The following LCLAT1 variants were observed in gnomAD, a reference collection of about 807,000 sequenced individuals.
The protein encoded by LCLAT1 is lysocardiolipin acyltransferase 1, also known as 1-AGP acyltransferase 8.
In LCLAT1, 11 loss-of-function variants were observed where a neutral mutation model predicts 30.7. That is an observed-to-expected ratio of 0.36 (90% CI 0.23 to 0.59). LCLAT1 has a LOEUF of 0.59. Ranked by LOEUF, LCLAT1 falls within the 20% of genes least tolerant of loss-of-function variation. LCLAT1 has a pLI of 0.77. For missense variants in LCLAT1, 402 were observed against 458.6 expected, an observed-to-expected ratio of 0.88 and a Z score of 1.13; for synonymous variants, 155 against 151.3, an observed-to-expected ratio of 1.02 and a Z score of -0.18.
At chr2:30,575,218 CTA>C (rs1558530076) in intron 5 of LCLAT1, among the ~76,000 whole-genome samples, 1 of 152,056 alleles carries the variant, frequency 6.6e-6, no homozygotes, top group Non-Finnish European at 1.5e-5. Flanking sequence ...TCATCATACT[CTA>C]TACATTTCTG....
chr2:30,526,227 C>T lies in LCLAT1; in HGVS notation c.165+472C>T, dbSNP rs539411453. Among the ~76,000 whole-genome samples the T allele has an allele frequency of 5.3e-5, 8 of 152,090 alleles. No homozygotes were observed. In the South Asian group the frequency reaches 1.7e-3, roughly 32 times the overall value. On this transcript the variant is annotated intron_variant, in intron 2 of 5. Coordinates refer to ENST00000379509, the MANE Select transcript of LCLAT1 (RefSeq NM_001002257.3). ...TTTTTTCTGCCTTATTCTCTCTCTC[C>T]TCATTTTGGGACTACAATTATATGT...
intron 5 of LCLAT1, among the ~76,000 whole-genome samples, chr2:30,568,475 T>TTTC (rs1170779637): frequency 6.6e-6 from 1 of 151,230 alleles, no homozygotes; most frequent in Non-Finnish European, 1.5e-5. Flanking sequence ...TTTTAGGATA[T>TTTC]TTCTCCAAGT....
chr2:30,474,645 T>G (rs1307756128), intron 1 of LCLAT1, among the ~76,000 whole-genome samples: 1 of 117,296 alleles, frequency 8.5e-6, no homozygotes, highest in African/African-American at 2.8e-5. Flanking sequence ...TTTAAATAAT[T>G]TAACTTTTTT....
chr2:30,572,622 C>T (rs1425963937), intron 5 of LCLAT1, among the ~76,000 whole-genome samples: 1 of 152,106 alleles, frequency 6.6e-6, no homozygotes, highest in Non-Finnish European at 1.5e-5. Flanking sequence ...ACTTTAAACT[C>T]AAGTCTTTTT....
chr2:30,622,551 G>GC (rs1482521788), intron 5 of LCLAT1, among the ~76,000 whole-genome samples: 2 of 152,030 alleles, frequency 1.3e-5, no homozygotes, highest in Admixed American at 1.3e-4. Context: ...CACAGAGTCC[G>GC]CTTCACTCCC....
At chr2:30,460,059 T>C (rs1682035457) in intron 1 of LCLAT1, among the ~76,000 whole-genome samples, 1 of 152,220 alleles carries the variant, frequency 6.6e-6, no homozygotes, top group Non-Finnish European at 1.5e-5. Flanking sequence ...TTTTGGAGGT[T>C]ATCCCTTACA....
chr2:30,615,627 T>C (rs890733883), intron 5 of LCLAT1, among the ~76,000 whole-genome samples: 3 of 152,134 alleles, frequency 2.0e-5, no homozygotes, highest in Non-Finnish European at 4.4e-5. Flanking sequence ...TTGTGCCTAA[T>C]AGGCTCAAAT....
At chr2:30,496,689 C>G (rs2148335340) in intron 1 of LCLAT1, among the ~76,000 whole-genome samples, 1 of 152,078 alleles carries the variant, frequency 6.6e-6, no homozygotes, top group East Asian at 1.9e-4. Context: ...GCCTAGCATC[C>G]TCCCTCTCTA....
intron 1 of LCLAT1, among the ~76,000 whole-genome samples, chr2:30,515,035 C>G (rs574818335): frequency 2.0e-5 from 3 of 151,988 alleles, no homozygotes; most frequent in Non-Finnish European, 4.4e-5. Context: ...TTGTAACCCC[C>G]GCTCCCCCAC....
intron 1 of LCLAT1, among the ~76,000 whole-genome samples, chr2:30,496,638 G>T (rs1270336569): frequency 1.3e-5 from 2 of 152,196 alleles, no homozygotes; most frequent in African/African-American, 4.8e-5. Flanking sequence ...TGTAAACTCT[G>T]TGTAAATGTG....
chr2:30,567,003 A>G (rs1665516741), intron 4 of LCLAT1, among the ~76,000 whole-genome samples: 1 of 152,224 alleles, frequency 6.6e-6, no homozygotes, highest in Non-Finnish European at 1.5e-5. Context: ...AGCAAGGCAG[A>G]TATTTCAGTT....
At chr2:30,544,228 T>A (rs1429826395) in intron 3 of LCLAT1, among the ~76,000 whole-genome samples, 1 of 152,214 alleles carries the variant, frequency 6.6e-6, no homozygotes, top group Non-Finnish European at 1.5e-5. Flanking sequence ...TACCTTCTGA[T>A]GATTACCTTT....
At chr2:30,594,986 C>T (rs1312160524) in intron 5 of LCLAT1, among the ~76,000 whole-genome samples, 1 of 152,130 alleles carries the variant, frequency 6.6e-6, no homozygotes, top group Non-Finnish European at 1.5e-5. Flanking sequence ...GAAATAATTG[C>T]CTGTTGACTT....
At chr2:30,462,814 A>AT (rs1233756890) in intron 1 of LCLAT1, among the ~76,000 whole-genome samples, 1 of 152,214 alleles carries the variant, frequency 6.6e-6, no homozygotes, top group African/African-American at 2.4e-5. Flanking sequence ...AAGTTCAAAA[A>AT]TTTTTTGGTA....
At chr2:30,559,052 A>G (rs559683898) in intron 3 of LCLAT1, among the ~76,000 whole-genome samples, 6 of 152,360 alleles carry the variant, frequency 3.9e-5, no homozygotes, top group African/African-American at 9.6e-5. Context: ...AAATACTGCC[A>G]CACAACATGG....
chr2:30,458,266 G>A lies in LCLAT1; in HGVS notation c.-5+10883G>A, dbSNP rs1243667300. On this transcript the variant is annotated intron_variant, in intron 1 of 5. Coordinates refer to ENST00000379509, the MANE Select transcript of LCLAT1 (RefSeq NM_001002257.3). ...TCCTGGTAATTCAATTCAGTAAACA[G>A]TGGTTGAGAAGACCCTGCTCTGTCT... Among the ~76,000 whole-genome samples, 3 of 152,252 alleles carry A rather than the reference G, an allele frequency of 2.0e-5. No individual in the cohort carries two copies. The South Asian group carries it at 6.2e-4, about 32-fold the overall frequency.
intron 3 of LCLAT1, among the ~76,000 whole-genome samples, chr2:30,549,517 A>G (rs1664586121): frequency 1.3e-5 from 2 of 152,218 alleles, no homozygotes; most frequent in Non-Finnish European, 2.9e-5. Context: ...AGGGTTTTGA[A>G]TCTGCTTTGT....
intron 1 of LCLAT1, among the ~76,000 whole-genome samples, chr2:30,467,697 A>G (rs1682519181): frequency 6.6e-6 from 1 of 152,208 alleles, no homozygotes; most frequent in Non-Finnish European, 1.5e-5. Context: ...AGTGATGATG[A>G]GCATTTTTTC....
chr2:30,469,527 T>G (rs1682661286), intron 1 of LCLAT1, among the ~76,000 whole-genome samples: 1 of 151,856 alleles, frequency 6.6e-6, no homozygotes, highest in African/African-American at 2.4e-5. Flanking sequence ...GCCATAGATG[T>G]ATGGTCATAA....
Sources: gnomAD v4.1 joint callset for allele counts (sites outside exome capture counted in the v4.1 genomes callset) on GRCh38, gnomAD v4.1.1 for gene constraint, MANE v1.5 for transcripts, NCBI Gene and HGNC (gene_info 2026-07-23, HGNC 2026-07-21) for gene names.